Variants in MAMLD1 observed in about 807,000 individuals in gnomAD.
MAMLD1 encodes the protein mastermind like domain containing 1.
In MAMLD1, 14 loss-of-function variants were observed where a neutral mutation model predicts 45.0. That is an observed-to-expected ratio of 0.31 (90% CI 0.21 to 0.49). The LOEUF is 0.49. MAMLD1 is among the 20% of genes least tolerant of loss of function. MAMLD1 has a pLI of 0.99. For missense variants in MAMLD1, 543 were observed against 603.6 expected, an observed-to-expected ratio of 0.90 and a Z score of 1.05; for synonymous variants, 254 against 247.8, an observed-to-expected ratio of 1.02 and a Z score of -0.24.
At chrX:150,391,348 T>C (rs2033169864) in intron 1 of MAMLD1, among the ~76,000 whole-genome samples, 1 of 111,432 alleles carries the variant, frequency 9.0e-6, no homozygotes, top group Admixed American at 9.5e-5. Context: ...CCCCCTCTTC[T>C]TCTTCTTCTT....
chrX:150,421,282 G>A (rs1005339163), intron 1 of MAMLD1, among the ~76,000 whole-genome samples: 1 of 112,245 alleles, frequency 8.9e-6, no homozygotes, highest in Non-Finnish European at 1.9e-5. Context: ...GCAATGCCTC[G>A]CCCTGCTTCG....
Position 150,509,856 on chromosome X carries a change from C to G in MAMLD1, c.2285-106C>G, listed in dbSNP as rs906942089. The G allele has an allele frequency of 4.9e-6, 3 of 609,263 alleles. No homozygotes were observed. The African/African-American group carries it at 6.6e-5, about 13-fold the overall frequency. The allele number at this position is 609,263 out of a possible 1,213,427, so 50.2% of individuals were successfully genotyped here. On this transcript the variant is annotated intron_variant, in intron 6 of 7. Transcript: ENST00000370401. ...GTGTATGCTGGTGTGTTTATTCATG[C>G]TTTCTGCTGCACCAAAGCCAAGTCC...
intron 4 of MAMLD1, among the ~76,000 whole-genome samples, chrX:150,472,392 G>T (rs1752749399): frequency 8.9e-6 from 1 of 112,564 alleles, no homozygotes; most frequent in Non-Finnish European, 1.9e-5. Flanking sequence ...TCCTGGCATG[G>T]TTTAACTGAG....
intron 1 of MAMLD1, among the ~76,000 whole-genome samples, chrX:150,432,085 GTT>G (rs1176693068): frequency 1.1e-5 from 1 of 87,260 alleles, no homozygotes; most frequent in Non-Finnish European, 2.4e-5. Context: ...CACAACCTCT[GTT>G]TTTTTTTTAT....
At chrX:150,413,643 C>T (rs983659209) in intron 1 of MAMLD1, among the ~76,000 whole-genome samples, 1 of 108,522 alleles carries the variant, frequency 9.2e-6, no homozygotes, top group Non-Finnish European at 1.9e-5. Flanking sequence ...TGAATCACAA[C>T]CAGAGTCAGG....
At chrX:150,381,070 T>C (rs1414211327) in intron 1 of MAMLD1, among the ~76,000 whole-genome samples, 1 of 110,797 alleles carries the variant, frequency 9.0e-6, no homozygotes, top group Non-Finnish European at 1.9e-5. Flanking sequence ...CTTGCTCCAG[T>C]GATTTGAAAA....
intron 5 of MAMLD1, among the ~76,000 whole-genome samples, chrX:150,475,805 A>T (rs1277773622): frequency 1.8e-5 from 2 of 112,018 alleles, no homozygotes; most frequent in Non-Finnish European, 3.8e-5. Context: ...AACTGCTTAG[A>T]ACGGTGCCCA....
intron 1 of MAMLD1, among the ~76,000 whole-genome samples, chrX:150,368,738 A>T (rs2031725207): frequency 8.9e-6 from 1 of 112,062 alleles, no homozygotes; most frequent in African/African-American, 3.2e-5. Context: ...TAATTTTTGT[A>T]TAAGGTATAA....
intron 7 of MAMLD1, among the ~76,000 whole-genome samples, chrX:150,510,536 T>C (rs1557409077): frequency 1.8e-5 from 2 of 112,193 alleles, no homozygotes; most frequent in African/African-American, 3.2e-5. Context: ...CCTCCACAGA[T>C]AGATAGCAGG....
intron 2 of MAMLD1, among the ~76,000 whole-genome samples, chrX:150,449,736 G>A (rs1349362886): frequency 9.0e-6 from 1 of 110,685 alleles, no homozygotes; most frequent in African/African-American, 3.3e-5. Flanking sequence ...CCTTCTGTGT[G>A]CCTGGCCCTG....
chrX:150,509,942 C>T lies in MAMLD1; in HGVS notation c.2285-20C>T. 1 of 1,129,260 alleles carries T rather than the reference C, an allele frequency of 8.9e-7. No individual in the cohort carries two copies. 93.1% of individuals were successfully genotyped at this position (1,129,260 alleles called of 1,213,427 possible). ...AATTGGTAGCTGTAATCTAATTTGT[C>T]TTTTTCATCTTCTGTTTAGCAAGAG... On this transcript the variant is annotated intron_variant, in intron 6 of 7. Transcript: ENST00000370401.
At chrX:150,435,506 T>G (rs2035095776) in intron 1 of MAMLD1, among the ~76,000 whole-genome samples, 1 of 108,940 alleles carries the variant, frequency 9.2e-6, no homozygotes, top group Non-Finnish European at 1.9e-5. Flanking sequence ...AGAGAGAGAC[T>G]CTGTCTCAAA....
intron 3 of MAMLD1, among the ~76,000 whole-genome samples, chrX:150,465,359 A>G (rs1246579128): frequency 8.9e-6 from 1 of 112,371 alleles, no homozygotes; most frequent in African/African-American, 3.2e-5. Flanking sequence ...TTCAGACAGA[A>G]CCAGAAATAA....
intron 1 of MAMLD1, among the ~76,000 whole-genome samples, chrX:150,436,985 G>A (rs2035141948): frequency 9.1e-6 from 1 of 110,444 alleles, no homozygotes; most frequent in African/African-American, 3.3e-5. Context: ...GGAGATTTTA[G>A]TGGGGCAAAG....
intron 1 of MAMLD1, among the ~76,000 whole-genome samples, chrX:150,443,491 C>T (rs1044431581): frequency 9.5e-6 from 1 of 104,988 alleles, no homozygotes; most frequent in African/African-American, 3.4e-5. Flanking sequence ...ATGTGCCATG[C>T]TGGTGTGCTG....
chrX:150,476,333 G>A (rs1384141950), intron 5 of MAMLD1, among the ~76,000 whole-genome samples: 1 of 112,446 alleles, frequency 8.9e-6, no homozygotes, highest in Non-Finnish European at 1.9e-5. Flanking sequence ...GCAGATTACT[G>A]GAGATACCTT....
intron 6 of MAMLD1, chrX:150,504,984 G>A (rs1171442003): frequency 6.6e-6 from 5 of 752,325 alleles, no homozygotes; most frequent in South Asian, 1.4e-4. Context: ...TCCTTTGCCC[G>A]GGATCATTCC....
At position 150,470,345 on chromosome X, in the gene MAMLD1, A is replaced by T; in HGVS notation, c.772A>T (p.Thr258Ser). The T allele has an allele frequency of 8.3e-7, 1 of 1,208,699 alleles. No homozygotes were observed. The highest frequency in any genetic ancestry group is 1.8e-5 in the South Asian group (1 of 56,672). The change falls in exon 4 of 8, where the codon ACA becomes TCA. Residue 258 changes from threonine to serine, a missense_variant. By Grantham distance (58) the Thr-to-Ser change is moderately conservative. Coordinates refer to ENST00000370401, the MANE Select transcript of MAMLD1 (RefSeq NM_005491.5). ...GMSLQIPSSS[T>S]GISYSIPSTS... ...GTCACTTCAGATCCCATCCTCCTCCACAGGGATCAGCTATTCGATTCCTTC... is the reference window on the plus strand; with the variant it reads ...GTCACTTCAGATCCCATCCTCCTCCTCAGGGATCAGCTATTCGATTCCTTC...
Position 150,470,281 on chromosome X carries a change from C to A in MAMLD1, c.708C>A (p.Ser236Arg). The change falls in exon 4 of 8, where the codon AGC (serine) becomes AGA (arginine). Residue 236 changes from serine (S) to arginine (R), a missense_variant. By Grantham distance (110) the Ser-to-Arg change is moderately radical. Coordinates refer to ENST00000370401, the MANE Select transcript of MAMLD1 (RefSeq NM_005491.5). ...QMSHLESLASSKEFASSCSQV... is the reference protein window; with the variant it reads ...QMSHLESLASRKEFASSCSQV... ...CACACTTGGAGAGCCTGGCTTCCAG[C>A]AAGGAGTTTGCTTCTAGTTGCAGCC... 2.5e-6 allele frequency: 3 copies of A among 1,209,574 alleles called. No individual in the cohort carries two copies. Among genetic ancestry groups the A allele is most frequent in the Non-Finnish European group, 3.4e-6 (3 of 893,854 alleles).
Sources: gnomAD v4.1 joint callset for allele counts (sites outside exome capture counted in the v4.1 genomes callset) on GRCh38, gnomAD v4.1.1 for gene constraint, MANE v1.5 for transcripts, NCBI Gene and HGNC (gene_info 2026-07-23, HGNC 2026-07-21) for gene names.